The following ARB2A variants were observed in gnomAD, a reference collection of about 807,000 sequenced individuals.
The protein encoded by ARB2A is ARB2 cotranscriptional regulator A, also known as cotranscriptional regulator ARB2A.
the ARB2A span, chr5:93,621,248 TCCCGCCTGCGCCCCG>T: frequency 1.3e-6 from 1 of 779,720 alleles, no homozygotes; most frequent in African/African-American, 4.0e-5. Context: ...TCCCCGCCCC[TCCCGCCTGCGCCCCG>T]CCTCAGCCGC....
At chr5:94,050,944 T>C in the ARB2A span, 1 of 737,228 alleles carries the variant, frequency 1.4e-6, no homozygotes, top group Non-Finnish European at 2.1e-6. Context: ...CAGAACAGTT[T>C]ATCTTTTTCA....
the ARB2A span, among the ~76,000 whole-genome samples, chr5:93,796,528 AATAAGT>A: frequency 6.6e-6 from 1 of 152,198 alleles, no homozygotes; most frequent in Non-Finnish European, 1.5e-5. Context: ...ACATCATTAT[AATAAGT>A]ATAAGTCACA....
At chr5:94,044,573 G>A in the ARB2A span, among the ~76,000 whole-genome samples, 13,471 of 152,058 alleles carry the variant, frequency 0.089, 763 homozygotes, top group Middle Eastern at 0.16. Context: ...AGGGAGGGTG[G>A]AAATGTCACA....
At chr5:93,954,937 A>C in the ARB2A span, among the ~76,000 whole-genome samples, 1 of 152,036 alleles carries the variant, frequency 6.6e-6, no homozygotes, top group Non-Finnish European at 1.5e-5. Flanking sequence ...ACAGGGTAGC[A>C]CTGAGTTCCA....
chr5:93,626,908 T>C, the ARB2A span, among the ~76,000 whole-genome samples: 7 of 152,364 alleles, frequency 4.6e-5, no homozygotes, highest in Non-Finnish European at 1.0e-4. Flanking sequence ...GTAATGTTGT[T>C]TGACAGCATT....
At chr5:93,839,504 A>C in the ARB2A span, among the ~76,000 whole-genome samples, 1 of 152,066 alleles carries the variant, frequency 6.6e-6, no homozygotes, top group East Asian at 1.9e-4. Flanking sequence ...TGTCTCTGCC[A>C]GGTTTTGGTA....
At chr5:93,986,621 T>C in the ARB2A span, among the ~76,000 whole-genome samples, 3 of 152,194 alleles carry the variant, frequency 2.0e-5, no homozygotes, top group Non-Finnish European at 2.9e-5. Flanking sequence ...TGTTACTGTG[T>C]CTATGTAGAA....
chr5:93,972,200 C>T, the ARB2A span, among the ~76,000 whole-genome samples: 1 of 152,084 alleles, frequency 6.6e-6, no homozygotes, highest in Non-Finnish European at 1.5e-5. Context: ...TGCTCCTGCA[C>T]CCACCAACCA....
the ARB2A span, among the ~76,000 whole-genome samples, chr5:93,834,435 T>A: frequency 6.6e-6 from 1 of 152,150 alleles, no homozygotes; most frequent in Non-Finnish European, 1.5e-5. Flanking sequence ...AAAATATTAC[T>A]TTACAAAACA....
At chr5:93,969,032 T>C in the ARB2A span, among the ~76,000 whole-genome samples, 3 of 150,140 alleles carry the variant, frequency 2.0e-5, no homozygotes, top group East Asian at 3.9e-4. Context: ...TTTTTTTTTT[T>C]TTTTTGCCAG....
chr5:93,683,410 C>T, the ARB2A span: 1,043 of 1,602,502 alleles, frequency 6.5e-4, 14 homozygotes, highest in East Asian at 0.019. Flanking sequence ...CTGAACCACA[C>T]TTCAACCTTA....
chr5:94,098,283 G>A, the ARB2A span, among the ~76,000 whole-genome samples: 1 of 152,164 alleles, frequency 6.6e-6, no homozygotes, highest in African/African-American at 2.4e-5. Flanking sequence ...AAGTCAGAGT[G>A]TCTCTTGGAC....
the ARB2A span, chr5:94,050,597 CAA>C: frequency 2.5e-4 from 128 of 512,574 alleles, no homozygotes; most frequent in East Asian, 4.4e-4. Context: ...TAAAAAGGAA[CAA>C]AAAAAAAAAA....
the ARB2A span, among the ~76,000 whole-genome samples, chr5:93,888,866 G>A: frequency 1.3e-5 from 2 of 151,558 alleles, no homozygotes; most frequent in Non-Finnish European, 3.0e-5. Flanking sequence ...AGGACATAAC[G>A]AAGAATTCTA....
chr5:93,840,657 T>C, the ARB2A span, among the ~76,000 whole-genome samples: 1 of 152,114 alleles, frequency 6.6e-6, no homozygotes, highest in Admixed American at 6.6e-5. Context: ...TAACACCATC[T>C]CTTGTCTTGG....
At chr5:93,898,338 A>G in the ARB2A span, among the ~76,000 whole-genome samples, 1 of 151,982 alleles carries the variant, frequency 6.6e-6, no homozygotes, top group African/African-American at 2.4e-5. Flanking sequence ...CCAAACCTTA[A>G]GCATGACTGT....
the ARB2A span, among the ~76,000 whole-genome samples, chr5:93,982,610 T>C: frequency 6.6e-6 from 1 of 152,180 alleles, no homozygotes; most frequent in African/African-American, 2.4e-5. Context: ...CATCATAGAC[T>C]GCACTTTCAG....
At chr5:93,746,675 A>C in the ARB2A span, among the ~76,000 whole-genome samples, 1 of 152,126 alleles carries the variant, frequency 6.6e-6, no homozygotes, top group South Asian at 2.1e-4. Context: ...CACAGAGAAA[A>C]GGCCCTCCAT....
At chr5:93,632,051 A>G in the ARB2A span, among the ~76,000 whole-genome samples, 3 of 152,206 alleles carry the variant, frequency 2.0e-5, no homozygotes, top group African/African-American at 7.2e-5. Context: ...ATTGTATGCC[A>G]GGCACTGTTT....
Sources: gnomAD v4.1 joint callset for allele counts (sites outside exome capture counted in the v4.1 genomes callset) on GRCh38, gnomAD v4.1.1 for gene constraint, MANE v1.5 for transcripts, NCBI Gene and HGNC (gene_info 2026-07-23, HGNC 2026-07-21) for gene names.